Variants in SPTBN5 observed in about 807,000 individuals in gnomAD.
The protein encoded by SPTBN5 is spectrin beta, non-erythrocytic 5, also known as spectrin beta chain, non-erythrocytic 5.
In SPTBN5, 513 loss-of-function variants were observed where a neutral mutation model predicts 477.6. The ratio of observed to expected loss-of-function variants is 1.07; its 90% confidence interval spans 1.00 to 1.16. The LOEUF (loss-of-function observed/expected upper bound fraction) is 1.16, where lower values mean the gene tolerates loss of function less well. SPTBN5 is among the 50% of genes most tolerant of loss of function. The pLI is 0.00. For synonymous variants in SPTBN5, 2,169 were observed against 2,011.7 expected, an observed-to-expected ratio of 1.08 and a Z score of -2.09; for missense variants, 5,062 against 4,731.8, an observed-to-expected ratio of 1.07 and a Z score of -2.05.
chr15:41,876,988 G>A, intron 18 of SPTBN5, 40 bp from the exon 19 acceptor site: 2 of 1,583,862 alleles, frequency 1.3e-6, no homozygotes, highest in Admixed American at 1.8e-5. Context: ...TGGGAGAATG[G>A]GGGTCAGGAC....
intron 3 of SPTBN5, 193 bp downstream of exon 3, chr15:41,892,701 C>T: frequency 1.7e-6 from 1 of 579,450 alleles, no homozygotes; most frequent in Non-Finnish European, 2.9e-6. Flanking sequence ...CAGCTGGGTG[C>T]TCTCCAAGTC....
chr15:41,874,124 C>T, intron 24 of SPTBN5, 79 bp from the exon 25 acceptor site: 1 of 1,522,158 alleles, frequency 6.6e-7, no homozygotes, highest in South Asian at 1.2e-5. Flanking sequence ...GGCTCCAGGC[C>T]CCAATCATGG....
intron 41 of SPTBN5, among the ~76,000 whole-genome samples, chr15:41,863,401 G>A (rs1015643007): frequency 2.0e-5 from 3 of 152,048 alleles, no homozygotes; most frequent in Admixed American, 1.3e-4. Flanking sequence ...AGGGATGGGA[G>A]GAAACAGAGA....
chr15:41,883,537 C>A, intron 7 of SPTBN5, 51 bp from the exon 8 acceptor site: 1 of 1,586,484 alleles, frequency 6.3e-7, no homozygotes. Context: ...GGCAGGGAAG[C>A]TACTTCAGGG....
intron 26 of SPTBN5, 46 bp from the exon 27 acceptor site, chr15:41,872,505 T>C (rs1206936709): frequency 1.4e-5 from 22 of 1,526,176 alleles, no homozygotes; most frequent in Non-Finnish European, 1.6e-5. Context: ...GGGTGACTCA[T>C]CCACCCACCT....
Position 41,866,121 on chromosome 15 carries a change from T to G in SPTBN5, c.6739A>C (p.Arg2247=). 2 of 1,558,342 alleles carry G rather than the reference T, an allele frequency of 1.3e-6. No individual in the cohort carries two copies. Among genetic ancestry groups the G allele is most frequent in the Non-Finnish European group, 1.7e-6 (2 of 1,151,882 alleles). The part of the protein sequence containing the change: ...WEDLRQAMAL[R]GQELEDRRNF... ...CGCCTGTCCTCCAGCTCCTGGCCCC[T>G]GAGGGCCATTGCCTGCCTCAGGTCC... Residue 2247 remains arginine, a synonymous_variant, in exon 38 of 68, where the codon AGG becomes CGG. Coordinates refer to ENST00000320955, the MANE Select transcript of SPTBN5 (RefSeq NM_016642.4).
chr15:41,858,868 T>G, intron 48 of SPTBN5, 22 bp downstream of exon 48: 1 of 1,561,088 alleles, frequency 6.4e-7, no homozygotes, highest in South Asian at 1.2e-5. Context: ...CATGACCGCC[T>G]CCCTCTCCAA....
intron 35 of SPTBN5, 64 bp from the exon 36 acceptor site, chr15:41,867,190 G>A (rs2066354647): frequency 6.9e-7 from 1 of 1,458,440 alleles, no homozygotes; most frequent in Non-Finnish European, 9.0e-7. Flanking sequence ...TGGCCTGCAG[G>A]GCTCACAGTC....
intron 40 of SPTBN5, 24 bp from the exon 41 acceptor site, chr15:41,863,842 T>G (rs558378571): frequency 1.1e-5 from 18 of 1,613,400 alleles, no homozygotes; most frequent in Non-Finnish European, 1.5e-5. Context: ...GGTGGTGTCA[T>G]GTGGAGCCTG....
At chr15:41,875,698 G>T in intron 21 of SPTBN5, 76 bp from the exon 22 acceptor site, 1 of 1,452,800 alleles carries the variant, frequency 6.9e-7, no homozygotes, top group Non-Finnish European at 9.2e-7. Flanking sequence ...GCTGGACCTG[G>T]GTGGCAGTGG....
In SPTBN5 at chr15:41,879,742, C is replaced by G. The variant is rs746090867; in HGVS notation, c.2934G>C (p.Leu978=). The G allele has an allele frequency of 6.2e-7, 1 of 1,613,816 alleles. No homozygotes were observed. Among genetic ancestry groups the G allele is most frequent in the East Asian group, 2.2e-5 (1 of 44,886 alleles). ...STQIQRQQEE[L]SQRWGQLEAL... is the part of the protein sequence containing the mutation. ...TCCTGCCTCATTCTCACCTCTGGCT[C>G]AGTTCCTCCTGCTGTCGTTGGATTT... Residue 978 remains leucine, a synonymous_variant, in exon 15 of 68, where the codon CTG becomes CTC. Coordinates refer to ENST00000320955, the MANE Select transcript of SPTBN5 (RefSeq NM_016642.4).
At position 41,870,315 on chromosome 15, in the gene SPTBN5, G is replaced by C. The variant is rs369128833; in HGVS notation, c.5601C>G (p.Asp1867Glu). Residue 1867 changes from aspartate to glutamate, a missense_variant, in exon 31 of 68, where the codon GAC becomes GAG. Asp to Glu is a conservative substitution (Grantham distance 45, BLOSUM62 2). Coordinates refer to ENST00000320955, the MANE Select transcript of SPTBN5 (RefSeq NM_016642.4). ...TCAGCTGCGCCTCCAGCCCACACAG[G>C]TCCCGTGCCACATTGTTGGGGAGGC... ...ATSLPNNVAR[D>E]LCGLEAQLRS... The C allele has an allele frequency of 1.1e-5, 17 of 1,564,316 alleles. No homozygotes were observed. In the African/African-American group the frequency reaches 2.3e-4, roughly 21 times the overall value.
intron 36 of SPTBN5, 70 bp downstream of exon 36, chr15:41,866,889 G>A: frequency 6.8e-7 from 1 of 1,476,380 alleles, no homozygotes; most frequent in Non-Finnish European, 9.0e-7. Context: ...CAGTGTTGCG[G>A]TGTGAAGGCG....
At position 41,881,443 on chromosome 15, in the gene SPTBN5, T is replaced by G. The variant is rs1201869827; in HGVS notation, c.2458-209A>C. Among the ~76,000 whole-genome samples the G allele has an allele frequency of 3.3e-5, 5 of 152,186 alleles. No homozygotes were observed. The South Asian group carries it at 8.3e-4, about 25-fold the overall frequency. On this transcript the variant is annotated intron_variant, in intron 12 of 67. Coordinates refer to ENST00000320955, the MANE Select transcript of SPTBN5 (RefSeq NM_016642.4). ...GAGCACAGGATCTGATGGCTTTGATTTCCACATCGTGTGCTGCATACACAG... is the reference window on the plus strand; with the variant it reads ...GAGCACAGGATCTGATGGCTTTGATGTCCACATCGTGTGCTGCATACACAG...
chr15:41,851,443 C>A, intron 63 of SPTBN5, 74 bp from the exon 64 acceptor site: 1 of 1,110,070 alleles, frequency 9.0e-7, no homozygotes, highest in Non-Finnish European at 1.3e-6. Context: ...CACGCCTCAC[C>A]ATGTGTGTGG....
Position 41,852,996 on chromosome 15 carries a change from G to A in SPTBN5, c.10175C>T (p.Thr3392Ile), listed in dbSNP as rs2065823351. ...CCCTTCCAGCTCCTGCAGGCACTCTGTCACCTGGTGGGGAGGGGCTGCTAT... is the reference window on the plus strand; with the variant it reads ...CCCTTCCAGCTCCTGCAGGCACTCTATCACCTGGTGGGGAGGGGCTGCTAT... ...DNSHFMSAEV[T>I]ECLQELEGRL... The change falls in exon 60 of 68, where the codon ACA (threonine) becomes ATA (isoleucine). Residue 3392 changes from threonine to isoleucine, a missense_variant. Physicochemically the swap from Thr to Ile is moderately conservative, Grantham distance 89. Coordinates refer to ENST00000320955, the MANE Select transcript of SPTBN5 (RefSeq NM_016642.4). 3 of 1,532,808 alleles carry A rather than the reference G, an allele frequency of 2.0e-6. No individual in the cohort carries two copies. Among genetic ancestry groups the A allele is most frequent in the South Asian group, 2.5e-5 (2 of 80,988 alleles). The allele number at this position is 1,532,808 out of a possible 1,614,324, so 95.0% of individuals were successfully genotyped here. A position where few individuals can be genotyped will look rare whatever the true frequency, so the allele number is the denominator to read the frequency against.
chr15:41,877,130 G>C lies in SPTBN5; in HGVS notation c.3697C>G (p.Leu1233Val). The part of the protein sequence containing the change: ...TCANHQAWLH[L>V]DNLGEDVREA... ...CTGCTCCATACCCCAAGGTTGTCCA[G>C]GTGCAGCCAGGCCTGGTGGTTGGCA... The change falls in exon 18 of 68, where the codon CTG becomes GTG. Residue 1233 changes from leucine to valine, a missense_variant. Coordinates refer to ENST00000320955, the MANE Select transcript of SPTBN5 (RefSeq NM_016642.4). The C allele has an allele frequency of 6.2e-7, 1 of 1,613,852 alleles. No homozygotes were observed. The highest frequency in any genetic ancestry group is 8.5e-7 in the Non-Finnish European group (1 of 1,179,830).
Position 41,865,809 on chromosome 15 carries a change from CCGG to C in SPTBN5, c.6914_6916del (p.Ala2305del), listed in dbSNP as rs2066282741. 1.3e-6 allele frequency: 2 copies of C among 1,557,448 alleles called. No homozygotes were observed. The highest frequency in any genetic ancestry group is 1.7e-6 in the Non-Finnish European group (2 of 1,151,248). ...CTCTACCCAGCAAGGCCCTCTTACCCCGGCCGAGTTTCCTCGGAACTCGCGGAG... is the reference window on the plus strand; with the variant it reads ...CTCTACCCAGCAAGGCCCTCTTACCCCCGAGTTTCCTCGGAACTCGCGGAG... On this transcript the variant is annotated inframe_deletion and splice_region_variant, in exon 39 of 68. Transcript: ENST00000320955.
chr15:41,859,644 C>T (rs1185745663), intron 47 of SPTBN5, among the ~76,000 whole-genome samples: 1 of 152,124 alleles, frequency 6.6e-6, no homozygotes, highest in African/African-American at 2.4e-5. Flanking sequence ...TGCAGGAGGG[C>T]AGAAGCCAGG....
Sources: gnomAD v4.1 joint callset for allele counts (sites outside exome capture counted in the v4.1 genomes callset) on GRCh38, gnomAD v4.1.1 for gene constraint, MANE v1.5 for transcripts, NCBI Gene and HGNC (gene_info 2026-07-23, HGNC 2026-07-21) for gene names.